Variants in DOCK5 observed in about 807,000 individuals in gnomAD.
DOCK5 encodes the protein dedicator of cytokinesis protein 5.
DOCK5 carries 142 observed loss-of-function variants against 251.8 expected under a neutral mutation model. The observed-to-expected ratio is 0.56, with a 90% CI of 0.49 to 0.65. The LOEUF is 0.65. DOCK5 is among the 30% of genes least tolerant of loss of function. The pLI, the probability that DOCK5 is intolerant of heterozygous loss-of-function variation, is 0.00. For synonymous variants in DOCK5, 842 were observed against 835.5 expected (o/e 1.01, Z -0.13); for missense variants, 2,111 against 2,312.3 (o/e 0.91, Z 1.79).
At chr8:25,293,352 A>G (rs1008050692) in intron 6 of DOCK5, among the ~76,000 whole-genome samples, 1 of 152,222 alleles carries the variant, frequency 6.6e-6, no homozygotes, top group Admixed American at 6.5e-5. Flanking sequence ...ATTCTGAAGT[A>G]GCCGAAGTGA....
At chr8:25,286,741 G>C (rs1804344611) in intron 5 of DOCK5, among the ~76,000 whole-genome samples, 1 of 151,894 alleles carries the variant, frequency 6.6e-6, no homozygotes, top group South Asian at 2.1e-4. Context: ...ACAGTTCACT[G>C]GTGCCTCAAA....
chr8:25,297,212 A>G (rs1804638903), intron 7 of DOCK5, among the ~76,000 whole-genome samples: 1 of 151,784 alleles, frequency 6.6e-6, no homozygotes, highest in African/African-American at 2.4e-5. Flanking sequence ...CTCCTGCCTC[A>G]GCCTCCCGAG....
In DOCK5 at chr8:25,320,991, T is replaced by C. The variant is rs555180913; in HGVS notation, c.1554T>C (p.Ala518=). 9 of 1,613,392 alleles carry C rather than the reference T, an allele frequency of 5.6e-6. No homozygotes were observed. The African/African-American group carries it at 1.2e-4, about 21-fold the overall frequency. Residue 518 remains alanine (A), a synonymous_variant, in exon 16 of 52, where the codon GCT becomes GCC. Transcript: ENST00000276440. ...TTACTATGACACAGGTATCCATTGC[T>C]ATAGAAGAAGTCACACGCTGTCATA... ...CWYETVKVSI[A]IEEVTRCHIR...
At chr8:25,239,215 A>G (rs2117536657) in intron 1 of DOCK5, among the ~76,000 whole-genome samples, 1 of 152,242 alleles carries the variant, frequency 6.6e-6, no homozygotes, top group African/African-American at 2.4e-5. Flanking sequence ...CAGATAGTGG[A>G]GACAAAGACA....
chr8:25,336,434 C>T lies in DOCK5; in HGVS notation c.2327+61C>T, dbSNP rs1348118626. ...AGCTGTCACTCTGTGTGCTTTTTCC[C>T]TCACTCTGCACAGTGGTGTTCAGCT... is the stretch of plus-strand genomic sequence containing the variant. On this transcript the variant is annotated intron_variant, in intron 22 of 51. Coordinates refer to ENST00000276440, the MANE Select transcript of DOCK5 (RefSeq NM_024940.8). The T allele has an allele frequency of 3.1e-6, 5 of 1,591,466 alleles. No homozygotes were observed. In the Admixed American group the frequency reaches 6.8e-5, roughly 22 times the overall value.
chr8:25,248,420 T>C (rs1475387896), intron 2 of DOCK5, among the ~76,000 whole-genome samples: 1 of 152,198 alleles, frequency 6.6e-6, no homozygotes, highest in East Asian at 1.9e-4. Flanking sequence ...CCGACAGTCC[T>C]GCCGGGTGGA....
chr8:25,394,313 C>T (rs947151098), intron 44 of DOCK5, among the ~76,000 whole-genome samples: 1 of 151,310 alleles, frequency 6.6e-6, no homozygotes, highest in African/African-American at 2.4e-5. Flanking sequence ...AATAGGAGGT[C>T]ATGTTGACTG....
intron 21 of DOCK5, among the ~76,000 whole-genome samples, chr8:25,334,446 C>G (rs550656463): frequency 5.3e-5 from 8 of 152,094 alleles, no homozygotes; most frequent in Admixed American, 4.6e-4. Flanking sequence ...ATAGGCCAGG[C>G]GTGGTTGCTC....
chr8:25,352,291 AAAAGG>A (rs1269512718), intron 27 of DOCK5, among the ~76,000 whole-genome samples: 1 of 148,222 alleles, frequency 6.7e-6, no homozygotes, highest in African/African-American at 2.5e-5. Context: ...AAGGAAGGAA[AAAAGG>A]AGAGAAAAGA....
In DOCK5 at chr8:25,304,273, T is replaced by C; in HGVS notation, c.995T>C (p.Ile332Thr). 2 of 1,609,692 alleles carry C rather than the reference T, an allele frequency of 1.2e-6. No homozygotes were observed. The highest frequency in any genetic ancestry group is 1.7e-6 in the Non-Finnish European group (2 of 1,178,156). ...TTCCTAGTGATGGATATTACTGATA[T>C]CATACATGGGAAGGTGGATGATGAA... is the stretch of plus-strand genomic sequence containing the variant. ...FGVAVMDITDIIHGKVDDEEK... is the reference protein window; with the variant it reads ...FGVAVMDITDTIHGKVDDEEK... The change falls in exon 11 of 52, where the codon ATC becomes ACC. Residue 332 changes from isoleucine (I) to threonine (T), a missense_variant. This residue lies in a region of DOCK5 where 1,717 missense variants were observed against 1,892.4 expected (regional missense o/e 0.91). Coordinates refer to ENST00000276440, the MANE Select transcript of DOCK5 (RefSeq NM_024940.8).
Position 25,341,742 on chromosome 8 carries a change from G to A in DOCK5, c.2443G>A (p.Ala815Thr), listed in dbSNP as rs1247081119. 1.9e-6 allele frequency: 3 copies of A among 1,576,040 alleles called. No homozygotes were observed. The highest frequency in any genetic ancestry group is 1.3e-5 in the African/African-American group (1 of 74,256). Residue 815 changes from alanine to threonine, a missense_variant, in exon 24 of 52, where the codon GCA becomes ACA. By Grantham distance (58) the Ala-to-Thr change is moderately conservative. Coordinates refer to ENST00000276440, the MANE Select transcript of DOCK5 (RefSeq NM_024940.8). ...PLEEAVKIKG[A>T]ALKYLPSIIN... is the part of the protein sequence containing the mutation. ...GCCTTTGGTGTTTTTCTTACAGGGGGCAGCTTTGAAGTACCTTCCTAGCAT... is the reference window on the plus strand; with the variant it reads ...GCCTTTGGTGTTTTTCTTACAGGGGACAGCTTTGAAGTACCTTCCTAGCAT...
intron 1 of DOCK5, among the ~76,000 whole-genome samples, chr8:25,186,455 A>G (rs1179235179): frequency 6.6e-6 from 1 of 151,648 alleles, no homozygotes; most frequent in African/African-American, 2.4e-5. Context: ...GCTCACTGCA[A>G]GCTCCACCTC....
At chr8:25,372,522 G>A (rs1247854135) in intron 34 of DOCK5, 37 bp from the exon 35 acceptor site, 2 of 1,540,532 alleles carry the variant, frequency 1.3e-6, no homozygotes, top group Admixed American at 4.4e-5. Context: ...ATGATAGCAT[G>A]GAACCTGGGC....
intron 20 of DOCK5, among the ~76,000 whole-genome samples, chr8:25,333,453 G>A (rs1805730392): frequency 6.6e-6 from 1 of 152,214 alleles, no homozygotes; most frequent in African/African-American, 2.4e-5. Flanking sequence ...TTGGACTTGG[G>A]TTTATGGGAA....
Position 25,336,440 on chromosome 8 carries a change from C to T in DOCK5, c.2327+67C>T, listed in dbSNP as rs187645566. The T allele has an allele frequency of 3.7e-4, 586 of 1,582,210 alleles. 1 individual carries two copies. The East Asian group carries it at 0.012, about 33-fold the overall frequency. ...CACTCTGTGTGCTTTTTCCCTCACTCTGCACAGTGGTGTTCAGCTCTGTGA... is the reference window on the plus strand; with the variant it reads ...CACTCTGTGTGCTTTTTCCCTCACTTTGCACAGTGGTGTTCAGCTCTGTGA... On this transcript the variant is annotated intron_variant, in intron 22 of 51. Transcript: ENST00000276440.
intron 45 of DOCK5, among the ~76,000 whole-genome samples, chr8:25,398,997 T>C (rs1801392099): frequency 6.6e-6 from 1 of 152,168 alleles, no homozygotes; most frequent in Non-Finnish European, 1.5e-5. Flanking sequence ...CAGGAGCTCT[T>C]GGTTTTATAT....
intron 5 of DOCK5, among the ~76,000 whole-genome samples, chr8:25,286,105 G>A (rs1804323835): frequency 6.6e-6 from 1 of 152,164 alleles, no homozygotes; most frequent in South Asian, 2.1e-4. Context: ...GATAGGAAGC[G>A]TGTTTGGGGC....
At chr8:25,403,470 G>C (rs758102170) in intron 47 of DOCK5, 88 bp from the exon 48 acceptor site, 15 of 1,452,190 alleles carry the variant, frequency 1.0e-5, no homozygotes, top group Non-Finnish European at 1.4e-5. Context: ...ATGGGTACTG[G>C]TTAGCCACAA....
intron 2 of DOCK5, among the ~76,000 whole-genome samples, chr8:25,267,591 C>G (rs1586279748): frequency 6.6e-6 from 1 of 152,172 alleles, no homozygotes. Flanking sequence ...GTATATATGG[C>G]TACCTTATAC....
Sources: allele counts gnomAD v4.1 joint callset (sites outside exome capture counted in the v4.1 genomes callset), GRCh38; gene constraint gnomAD v4.1.1; regional missense constraint gnomAD v4.1.1; transcripts MANE v1.5; gene names NCBI Gene and HGNC (gene_info 2026-07-23, HGNC 2026-07-21).